The following ZNF140 variants were observed in gnomAD, a reference collection of about 807,000 sequenced individuals.
ZNF140 encodes zinc finger protein 140 (clone pHZ-39).
A neutral mutation model predicts 12.9 loss-of-function variants in ZNF140; 13 were observed. That is an observed-to-expected ratio of 1.01 (90% CI 0.66 to 1.60). The LOEUF (loss-of-function observed/expected upper bound fraction) is 1.60, where lower values mean the gene tolerates loss of function less well. ZNF140 is among the 40% of genes most tolerant of loss of function. ZNF140 has a pLI of 0.00. For missense variants in ZNF140, 531 were observed against 548.8 expected (o/e 0.97, Z 0.32); for synonymous variants, 214 against 186.7 (o/e 1.15, Z -1.19).
chr12:133,098,240 T>C (rs1955211906), intron 4 of ZNF140, among the ~76,000 whole-genome samples: 1 of 152,212 alleles, frequency 6.6e-6, no homozygotes, highest in Non-Finnish European at 1.5e-5. Context: ...GTTTGCAATA[T>C]ACATTCTTTT....
At chr12:133,101,575 G>C (rs1056822474) in intron 4 of ZNF140, among the ~76,000 whole-genome samples, 3 of 152,170 alleles carry the variant, frequency 2.0e-5, no homozygotes, top group African/African-American at 7.2e-5. Flanking sequence ...CTCCCGAGTA[G>C]CTGGGACTAC....
At chr12:133,104,980 G>A (rs1464419654) in intron 4 of ZNF140, among the ~76,000 whole-genome samples, 1 of 152,040 alleles carries the variant, frequency 6.6e-6, no homozygotes, top group African/African-American at 2.4e-5. Flanking sequence ...TCCCAGAAAA[G>A]ACATAATTAT....
At position 133,106,657 on chromosome 12, in the gene ZNF140, C is replaced by T. The variant is rs955125713; in HGVS notation, c.*6C>T. 2 of 1,557,224 alleles carry T rather than the reference C, an allele frequency of 1.3e-6. No homozygotes were observed. Among genetic ancestry groups the T allele is most frequent in the Non-Finnish European group, 1.7e-6 (2 of 1,159,180 alleles). On this transcript the variant is annotated 3_prime_UTR_variant, in exon 5 of 5. Transcript: ENST00000355557. Reference sequence around the variant, plus strand: ...TCCTTACTGAACACCAGTGAATTTACACTGCAAAGAAAAACTATGAATGTA... The same window carrying T: ...TCCTTACTGAACACCAGTGAATTTATACTGCAAAGAAAAACTATGAATGTA...
At chr12:133,105,476 AAG>A in intron 4 of ZNF140, 32 bp from the exon 5 acceptor site, 5 of 1,533,604 alleles carry the variant, frequency 3.3e-6, no homozygotes, top group Non-Finnish European at 4.4e-6. Flanking sequence ...ATACAGGAAA[AAG>A]AAACATTCAC....
Position 133,106,605 on chromosome 12 carries a change from A to G in ZNF140, c.1328A>G (p.Tyr443Cys). 1 of 1,606,210 alleles carries G rather than the reference A, an allele frequency of 6.2e-7. No individual in the cohort carries two copies. The highest frequency in any genetic ancestry group is 8.5e-7 in the Non-Finnish European group (1 of 1,177,816). Residue 443 changes from tyrosine to cysteine, a missense_variant, in exon 5 of 5, where the codon TAT (tyrosine) becomes TGT (cysteine). Tyr to Cys is a radical substitution (Grantham distance 194, BLOSUM62 -2). Coordinates refer to ENST00000355557, the MANE Select transcript of ZNF140 (RefSeq NM_003440.4). ...CACACTCTTGACAACCCCTATGAAT[A>G]TGAAAATTCATTTAATTACCACTCA... is the stretch of plus-strand genomic sequence containing the variant. ...RTHTLDNPYE[Y>C]ENSFNYHSFL...
chr12:133,085,027 T>C (rs1174491459), intron 4 of ZNF140, among the ~76,000 whole-genome samples: 3 of 138,506 alleles, frequency 2.2e-5, no homozygotes, highest in African/African-American at 5.6e-5. Flanking sequence ...ATTCTACTAC[T>C]TTTTTTTTTT....
chr12:133,083,089 G>A lies in ZNF140; in HGVS notation c.10-14G>A, dbSNP rs994481360. 8.1e-6 allele frequency: 13 copies of A among 1,614,136 alleles called. No individual in the cohort carries two copies. The highest frequency in any genetic ancestry group is 1.1e-5 in the Non-Finnish European group (13 of 1,180,016). On this transcript the variant is annotated splice_polypyrimidine_tract_variant and intron_variant, in intron 2 of 4. Transcript: ENST00000355557. ...ATGCGTGCTGGTCATGCAAATATCT[G>A]TCCGTCATTTCAGGGGTCAGTGACA...
rs1954553273 is a variant in ZNF140 at position 133,082,986 on chromosome 12, T to C, written c.10-117T>C. The C allele has an allele frequency of 1.6e-5, 23 of 1,477,322 alleles. No individual in the cohort carries two copies. The South Asian group carries it at 2.7e-4, about 17-fold the overall frequency. The allele number at this position is 1,477,322 out of a possible 1,614,324, so 91.5% of individuals were successfully genotyped here. A position where few individuals can be genotyped will look rare whatever the true frequency, so the allele number is the denominator to read the frequency against. On this transcript the variant is annotated intron_variant, in intron 2 of 4. Transcript: ENST00000355557. The stretch of plus-strand genomic sequence containing the variant: ...TAATTACTCAGAATTCTGAAAACTC[T>C]CACTGTTACTACTTAGACACATTGC...
chr12:133,084,214 ATT>A (rs750258286), intron 4 of ZNF140: 46 of 412,512 alleles, frequency 1.1e-4, no homozygotes, highest in Non-Finnish European at 1.9e-5. Flanking sequence ...ATACATTTCT[ATT>A]GCCTGAATTC....
intron 4 of ZNF140, among the ~76,000 whole-genome samples, chr12:133,096,263 G>A (rs748888784): frequency 2.0e-4 from 30 of 152,130 alleles, no homozygotes; most frequent in South Asian, 1.2e-3. Flanking sequence ...AACAAGGCAC[G>A]TCCTGCACAG....
chr12:133,104,777 C>T (rs1593808062), intron 4 of ZNF140, among the ~76,000 whole-genome samples: 3 of 152,168 alleles, frequency 2.0e-5, no homozygotes, highest in African/African-American at 7.2e-5. Flanking sequence ...TTGTCAAACA[C>T]ATTTGATATT....
In ZNF140 at chr12:133,106,728, T is replaced by C; in HGVS notation, c.*77T>C. Reference sequence around the variant, plus strand: ...TATAATGCCTTACTTCAGAGAACTCTTGGAAAGAAGCCTTATGTGAAAGTG... The same window carrying C: ...TATAATGCCTTACTTCAGAGAACTCCTGGAAAGAAGCCTTATGTGAAAGTG... On this transcript the variant is annotated 3_prime_UTR_variant, in exon 5 of 5. Coordinates refer to ENST00000355557, the MANE Select transcript of ZNF140 (RefSeq NM_003440.4). The C allele has an allele frequency of 7.6e-7, 1 of 1,314,488 alleles. No homozygotes were observed. The highest frequency in any genetic ancestry group is 1.0e-6 in the Non-Finnish European group (1 of 973,960). The allele number at this position is 1,314,488 out of a possible 1,614,324, so 81.4% of individuals were successfully genotyped here. A position where few individuals can be genotyped will look rare whatever the true frequency, so the allele number is the denominator to read the frequency against.
In ZNF140 at chr12:133,105,967, A is replaced by G. The variant is rs1955576058; in HGVS notation, c.690A>G (p.Ser230=). ...GTAATAAAACATTCAGTTACCTTTC[A>G]TTTCTTATTGAACACCAGAGAACGC... is the stretch of plus-strand genomic sequence containing the variant. The part of the protein sequence containing the change: ...KDCNKTFSYL[S]FLIEHQRTHT... The change falls in exon 5 of 5, where the codon TCA becomes TCG. Residue 230 remains serine (S), a synonymous_variant. Coordinates refer to ENST00000355557, the MANE Select transcript of ZNF140 (RefSeq NM_003440.4). 14 of 1,614,124 alleles carry G rather than the reference A, an allele frequency of 8.7e-6. No homozygotes were observed. Among genetic ancestry groups the G allele is most frequent in the Admixed American group, 1.7e-5 (1 of 60,020 alleles).
intron 4 of ZNF140, among the ~76,000 whole-genome samples, chr12:133,101,711 G>A (rs1252528294): frequency 5.3e-5 from 8 of 152,122 alleles, no homozygotes; most frequent in African/African-American, 1.9e-4. Context: ...CCAAAGTGCT[G>A]GGATTACAGG....
chr12:133,081,373 A>AATAAATT (rs1555291988), intron 2 of ZNF140, 44 bp downstream of exon 2: 1 of 223,824 alleles, frequency 4.5e-6, no homozygotes, highest in Admixed American at 7.4e-5. Flanking sequence ...ATATATATAA[A>AATAAATT]TTTTTATTTT....
chr12:133,099,033 G>A (rs866803397), intron 4 of ZNF140, among the ~76,000 whole-genome samples: 13 of 152,110 alleles, frequency 8.5e-5, no homozygotes, highest in African/African-American at 1.2e-4. Flanking sequence ...GAGCCACCAC[G>A]CTCAGCTAAT....
intron 4 of ZNF140, among the ~76,000 whole-genome samples, chr12:133,095,814 C>T (rs908401532): frequency 3.6e-4 from 54 of 151,994 alleles, no homozygotes; most frequent in South Asian, 4.1e-4. Context: ...TTATGTTTCT[C>T]TCCACCCAAA....
At chr12:133,085,064 C>T (rs1258391242) in intron 4 of ZNF140, among the ~76,000 whole-genome samples, 7 of 151,960 alleles carry the variant, frequency 4.6e-5, no homozygotes, top group African/African-American at 1.7e-4. Flanking sequence ...CGCTCTTGCC[C>T]CCTAGGCTGG....
chr12:133,093,414 G>C lies in ZNF140; in HGVS notation c.232+9853G>C. On this transcript the variant is annotated intron_variant, in intron 4 of 4. Transcript: ENST00000355557. ...GTTTGTGTTACTCTTGTGTTTTCCA[G>C]GCTTTTTTTCAGCTAACTGTGTCAG... 5.7e-6 allele frequency: 4 copies of C among 698,662 alleles called. 1 individual carries two copies. The highest frequency in any genetic ancestry group is 1.0e-5 in the Non-Finnish European group (4 of 383,494). The allele number at this position is 698,662 out of a possible 1,614,324, so 43.3% of individuals were successfully genotyped here.
Sources: allele counts gnomAD v4.1 joint callset (sites outside exome capture counted in the v4.1 genomes callset), GRCh38; gene constraint gnomAD v4.1.1; transcripts MANE v1.5; gene names NCBI Gene and HGNC (gene_info 2026-07-23, HGNC 2026-07-21).